STOX2: variants seen among roughly 807,000 people sequenced by gnomAD.
STOX2 encodes the protein storkhead-box protein 2.
STOX2 carries 28 observed loss-of-function variants against 60.9 expected under a neutral mutation model. The ratio of observed to expected loss-of-function variants is 0.46; its 90% CI spans 0.34 to 0.63. The LOEUF is 0.63. Ranked by LOEUF, STOX2 falls within the 30% of genes least tolerant of loss-of-function variation. The pLI, the probability that STOX2 is intolerant of heterozygous loss-of-function variation, is 0.01. For missense variants in STOX2, 1,024 were observed against 1,187.7 expected, an observed-to-expected ratio of 0.86 and a Z score of 2.03; for synonymous variants, 472 against 463.9, an observed-to-expected ratio of 1.02 and a Z score of -0.22.
chr4:183,822,605 GA>G (rs1739327379), intron 1 of STOX2, among the ~76,000 whole-genome samples: 1 of 152,160 alleles, frequency 6.6e-6, no homozygotes, highest in Non-Finnish European at 1.5e-5. Context: ...ACGCTCCCAT[GA>G]CCATCTAACG....
intron 1 of STOX2, among the ~76,000 whole-genome samples, chr4:183,976,788 A>G (rs1732464898): frequency 6.6e-6 from 1 of 152,244 alleles, no homozygotes; most frequent in African/African-American, 2.4e-5. Flanking sequence ...AAGACTGGAA[A>G]CAGGGCAAGG....
At chr4:183,827,593 T>G (rs992509176) in intron 1 of STOX2, among the ~76,000 whole-genome samples, 1 of 152,166 alleles carries the variant, frequency 6.6e-6, no homozygotes, top group Non-Finnish European at 1.5e-5. Context: ...CCCATGTTGT[T>G]TCATTGGTGC....
At chr4:183,839,106 G>A in intron 1 of STOX2, among the ~76,000 whole-genome samples, 1 of 152,098 alleles carries the variant, frequency 6.6e-6, no homozygotes, top group Admixed American at 6.5e-5. Flanking sequence ...AGGGAAGAGT[G>A]GGTGCTGCAG....
intron 1 of STOX2, among the ~76,000 whole-genome samples, chr4:183,885,455 C>T (rs558537493): frequency 9.9e-5 from 15 of 152,188 alleles, no homozygotes; most frequent in Non-Finnish European, 2.2e-4. Flanking sequence ...TGCCTGTGGC[C>T]TCCTTGCTGT....
chr4:183,867,160 A>C (rs758315717), intron 1 of STOX2, among the ~76,000 whole-genome samples: 1 of 152,186 alleles, frequency 6.6e-6, no homozygotes, highest in Non-Finnish European at 1.5e-5. Context: ...AGGTGGTGAC[A>C]TGTTCGCCCT....
At chr4:183,830,507 G>C (rs1036441122) in intron 1 of STOX2, among the ~76,000 whole-genome samples, 2 of 152,092 alleles carry the variant, frequency 1.3e-5, no homozygotes. Context: ...GGTCATGAGG[G>C]TTCTTATCCT....
At position 184,019,195 on chromosome 4, in the gene STOX2, T is replaced by C. The variant is rs147192942; in HGVS notation, c.*1911T>C. ...TGCTTATTATAGTGAAACTTCAGCA[T>C]GTTTCTTAGTAAACTCCCATACCAT... On this transcript the variant is annotated 3_prime_UTR_variant, in exon 4 of 4. Coordinates refer to ENST00000308497, the MANE Select transcript of STOX2 (RefSeq NM_020225.3). 1.8e-4 allele frequency: 27 copies of C among 152,350 alleles called. No homozygotes were observed. The East Asian group carries it at 3.3e-3, about 18-fold the overall frequency. The allele number at this position is 152,350 out of a possible 1,614,324, so 9.4% of individuals were successfully genotyped here.
At chr4:183,814,236 A>G (rs1460006980) in intron 1 of STOX2, among the ~76,000 whole-genome samples, 1 of 152,246 alleles carries the variant, frequency 6.6e-6, no homozygotes, top group African/African-American at 2.4e-5. Context: ...AGCAACATAG[A>G]AAAGTGCTTA....
intron 2 of STOX2, among the ~76,000 whole-genome samples, chr4:184,008,384 G>C (rs142251872): frequency 6.6e-6 from 1 of 152,204 alleles, no homozygotes; most frequent in African/African-American, 2.4e-5. Context: ...TTCATCTGGT[G>C]TGTCTATTCT....
intron 1 of STOX2, among the ~76,000 whole-genome samples, chr4:183,835,818 G>C (rs971681136): frequency 6.6e-6 from 1 of 152,168 alleles, no homozygotes. Context: ...GAGTAATGCA[G>C]CTACAAACAT....
intron 1 of STOX2, among the ~76,000 whole-genome samples, chr4:183,832,279 C>T (rs1379157423): frequency 6.6e-6 from 1 of 151,948 alleles, no homozygotes; most frequent in East Asian, 1.9e-4. Flanking sequence ...CAGGAGCCAC[C>T]ACACCTGGCC....
rs946205836 is a variant in STOX2, at chr4:184,019,356, C to G, written c.*2072C>G. 1 of 152,126 alleles carries G rather than the reference C, an allele frequency of 6.6e-6. No homozygotes were observed. The highest frequency in any genetic ancestry group is 2.4e-5 in the African/African-American group (1 of 41,430). 9.4% of individuals were successfully genotyped at this position (152,126 alleles called of 1,614,324 possible). A position where few individuals can be genotyped will look rare whatever the true frequency, so the allele number is the denominator to read the frequency against. On this transcript the variant is annotated 3_prime_UTR_variant, in exon 4 of 4. Transcript: ENST00000308497. The stretch of plus-strand genomic sequence containing the variant: ...TATCTAATAGACTACATAGTTGGTT[C>G]CCTTGGGGAGTTATATATCATACAG...
At chr4:183,897,093 G>C (rs1458632950) in intron 1 of STOX2, among the ~76,000 whole-genome samples, 1 of 152,202 alleles carries the variant, frequency 6.6e-6, no homozygotes, top group Non-Finnish European at 1.5e-5. Flanking sequence ...GGGCAAGCCT[G>C]AGATGCACAG....
intron 2 of STOX2, among the ~76,000 whole-genome samples, chr4:184,002,827 C>A (rs6814057): frequency 6.6e-6 from 1 of 152,204 alleles, no homozygotes; most frequent in African/African-American, 2.4e-5. Flanking sequence ...CCTGCTTCTC[C>A]TTTTGTCCCC....
At chr4:183,852,787 T>C (rs1369419941) in intron 1 of STOX2, among the ~76,000 whole-genome samples, 1 of 152,210 alleles carries the variant, frequency 6.6e-6, no homozygotes, top group African/African-American at 2.4e-5. Context: ...TAAGTTGGTG[T>C]AAGGGTGCGT....
chr4:183,961,456 G>C (rs1047068434), intron 1 of STOX2, among the ~76,000 whole-genome samples: 1 of 152,194 alleles, frequency 6.6e-6, no homozygotes, highest in Non-Finnish European at 1.5e-5. Flanking sequence ...GAGGAAGCTG[G>C]ATGATCGTCA....
rs142240097 is a variant in STOX2 at position 184,019,833 on chromosome 4, G to A, written c.*2549G>A. 3.3e-5 allele frequency: 5 copies of A among 152,314 alleles called. No homozygotes were observed. Among genetic ancestry groups the A allele is most frequent in the African/African-American group, 1.2e-4 (5 of 41,574 alleles). 9.4% of individuals were successfully genotyped at this position (152,314 alleles called of 1,614,324 possible). On this transcript the variant is annotated 3_prime_UTR_variant, in exon 4 of 4. Transcript: ENST00000308497. ...TGGCAGCCGGCAGCACATTGCAAAT[G>A]TCATTCGAGGTCACGGTGAGGCTCT...
Position 183,806,597 on chromosome 4 carries a change from G to C in STOX2, c.364+8542G>C, listed in dbSNP as rs973870568. On this transcript the variant is annotated intron_variant, in intron 1 of 2. Coordinates refer to the STOX2 transcript ENST00000513034. This position sits in a 1 kb window ranked among gnomAD's most constrained non-coding sequence, Gnocchi z 4.1. ...ACCCGCTGTGGCCTGCTTCCTGAGA[G>C]CTCTGCGTGTGACAGCATTTCCTTC... Among the ~76,000 whole-genome samples, 2 of 152,194 alleles carry C rather than the reference G, an allele frequency of 1.3e-5. No homozygotes were observed. The highest frequency in any genetic ancestry group is 4.8e-5 in the African/African-American group (2 of 41,454).
At chr4:183,845,765 C>T (rs770309448) in intron 1 of STOX2, among the ~76,000 whole-genome samples, 4 of 152,142 alleles carry the variant, frequency 2.6e-5, no homozygotes, top group East Asian at 1.9e-4. Context: ...CATCTTTATA[C>T]GATGTGTTCC....
Sources: allele counts gnomAD v4.1 joint callset (sites outside exome capture counted in the v4.1 genomes callset), GRCh38; gene constraint gnomAD v4.1.1; non-coding constraint Gnocchi (gnomAD v3.1); transcripts MANE v1.5; gene names NCBI Gene and HGNC (gene_info 2026-07-23, HGNC 2026-07-21).